The following SACM1L variants were observed in gnomAD, a reference collection of about 807,000 sequenced individuals.
The protein encoded by SACM1L is phosphatidylinositol-3-phosphatase SAC1.
SACM1L carries 32 observed loss-of-function variants against 89.5 expected under a neutral mutation model. The observed-to-expected ratio is 0.36, with a 90% CI of 0.27 to 0.48. SACM1L has a LOEUF of 0.48. Ranked by LOEUF, SACM1L falls within the 20% of genes least tolerant of loss-of-function variation. SACM1L has a pLI of 0.99. For synonymous variants in SACM1L, 213 were observed against 232.8 expected (o/e 0.92, Z 0.77); for missense variants, 543 against 708.5 (o/e 0.77, Z 2.65).
intron 11 of SACM1L, among the ~76,000 whole-genome samples, chr3:45,727,823 C>T (rs942598965): frequency 3.3e-5 from 5 of 152,136 alleles, no homozygotes; most frequent in African/African-American, 1.2e-4. Context: ...TCTCAATCTC[C>T]TGACCTCGTG....
chr3:45,722,708 T>G (rs1698815109), intron 9 of SACM1L, among the ~76,000 whole-genome samples, 161 bp from the exon 10 acceptor site: 1 of 152,206 alleles, frequency 6.6e-6, no homozygotes, highest in African/African-American at 2.4e-5. Flanking sequence ...CCATAAAATA[T>G]GAACTTTAGG....
At chr3:45,718,804 A>T (rs1285147759) in intron 7 of SACM1L, among the ~76,000 whole-genome samples, 2 of 152,156 alleles carry the variant, frequency 1.3e-5, no homozygotes, top group African/African-American at 4.8e-5. Flanking sequence ...CAGCCTTTAG[A>T]ATTTCTAGGT....
chr3:45,726,734 G>T (rs1463061932), intron 11 of SACM1L, among the ~76,000 whole-genome samples: 1 of 151,746 alleles, frequency 6.6e-6, no homozygotes, highest in East Asian at 1.9e-4. Context: ...ATTTCCTCCG[G>T]TAGCTTTGGG....
intron 11 of SACM1L, among the ~76,000 whole-genome samples, chr3:45,729,707 T>C (rs1699003157): frequency 6.6e-6 from 1 of 152,204 alleles, no homozygotes; most frequent in Admixed American, 6.5e-5. Context: ...GAGTCTCCTC[T>C]CTCTTGCTGC....
chr3:45,741,037 C>A (rs1699302509), intron 19 of SACM1L, among the ~76,000 whole-genome samples: 1 of 152,136 alleles, frequency 6.6e-6, no homozygotes. Context: ...TCTTTATTCT[C>A]CTTTGAGTAA....
At chr3:45,729,821 C>G (rs1699005311) in intron 11 of SACM1L, among the ~76,000 whole-genome samples, 2 of 151,854 alleles carry the variant, frequency 1.3e-5, no homozygotes, top group South Asian at 2.1e-4. Context: ...TATGTTTCAT[C>G]ACATTTGGGA....
chr3:45,699,559 A>T (rs1478848043), intron 1 of SACM1L, among the ~76,000 whole-genome samples: 1 of 152,066 alleles, frequency 6.6e-6, no homozygotes, highest in Non-Finnish European at 1.5e-5. Context: ...ACTGAGTCTC[A>T]CTCTGTCGCC....
intron 18 of SACM1L, among the ~76,000 whole-genome samples, chr3:45,739,086 G>A (rs1445349321): frequency 1.3e-5 from 2 of 152,136 alleles, no homozygotes; most frequent in East Asian, 3.9e-4. Context: ...TCCTTTTCAT[G>A]TGAAGTAACA....
At position 45,689,484 on chromosome 3, in the gene SACM1L, G is replaced by C; in HGVS notation, c.19G>C (p.Glu7Gln). 3 of 1,579,760 alleles carry C rather than the reference G, an allele frequency of 1.9e-6. No individual in the cohort carries two copies. Among genetic ancestry groups the C allele is most frequent in the Non-Finnish European group, 2.6e-6 (3 of 1,163,946 alleles). MATAAY[E>Q]QLKLHITPEK... is the part of the protein sequence containing the mutation. The stretch of plus-strand genomic sequence containing the variant: ...GTGCAGGATGGCGACGGCGGCCTAC[G>C]AGCAGCTGAAGCTGTGAGTCCCACG... Residue 7 changes from glutamate (E) to glutamine (Q), a missense_variant, in exon 1 of 20, where the codon GAG becomes CAG. Physicochemically the swap from Glu to Gln is conservative, Grantham distance 29. This residue lies in a region of SACM1L where 173 missense variants were observed against 180.9 expected (regional missense o/e 0.96). Coordinates refer to ENST00000389061, the MANE Select transcript of SACM1L (RefSeq NM_014016.5).
chr3:45,711,598 C>G (rs1418525568), intron 5 of SACM1L, among the ~76,000 whole-genome samples: 1 of 151,116 alleles, frequency 6.6e-6, no homozygotes, highest in East Asian at 1.9e-4. Flanking sequence ...CCAGCCAAGG[C>G]AACAGCAAGA....
chr3:45,713,240 G>A, intron 6 of SACM1L, 44 bp downstream of exon 6: 4 of 1,472,594 alleles, frequency 2.7e-6, no homozygotes, highest in Non-Finnish European at 2.8e-6. Flanking sequence ...TACAGTCCAA[G>A]CTTTAATTCA....
intron 14 of SACM1L, 35 bp downstream of exon 14, chr3:45,735,408 A>G (rs1468543): frequency 0.49 from 724,631 of 1,486,826 alleles, 184,574 homozygotes; most frequent in Non-Finnish European, 0.52. Context: ...ATTGAAAAAC[A>G]ACACAGCAAA....
chr3:45,706,688 A>G, intron 3 of SACM1L, 92 bp from the exon 4 acceptor site: 1 of 1,091,070 alleles, frequency 9.2e-7, no homozygotes. Flanking sequence ...GTCTCATTCT[A>G]CTAGCCTTTA....
At chr3:45,737,916 G>A in intron 16 of SACM1L, 72 bp downstream of exon 16, 3 of 1,236,140 alleles carry the variant, frequency 2.4e-6, no homozygotes, top group Non-Finnish European at 3.5e-6. Flanking sequence ...AATCACCTGG[G>A]CAGCTTTCAG....
At position 45,743,738 on chromosome 3, in the gene SACM1L, C is replaced by G; in HGVS notation, c.*69C>G. ...TGCAGAACTGGAGTCTTTACTGACC[C>G]GCTTTCCACATCAGCCCAAGGTCTT... is the stretch of plus-strand genomic sequence containing the variant. On this transcript the variant is annotated 3_prime_UTR_variant, in exon 20 of 20. Coordinates refer to ENST00000389061, the MANE Select transcript of SACM1L (RefSeq NM_014016.5). The G allele has an allele frequency of 4.0e-6, 6 of 1,514,930 alleles. No homozygotes were observed. The highest frequency in any genetic ancestry group is 5.3e-6 in the Non-Finnish European group (6 of 1,127,464). The allele number at this position is 1,514,930 out of a possible 1,614,324, so 93.8% of individuals were successfully genotyped here. A position where few individuals can be genotyped will look rare whatever the true frequency, so the allele number is the denominator to read the frequency against.
At chr3:45,690,614 T>C (rs1697956155) in intron 1 of SACM1L, among the ~76,000 whole-genome samples, 1 of 152,200 alleles carries the variant, frequency 6.6e-6, no homozygotes, top group African/African-American at 2.4e-5. Flanking sequence ...TTCCACATTG[T>C]ATGTGTTGCA....
intron 12 of SACM1L, among the ~76,000 whole-genome samples, chr3:45,731,804 A>G (rs1194612627): frequency 6.6e-6 from 1 of 152,088 alleles, no homozygotes; most frequent in East Asian, 1.9e-4. Context: ...ATATATGCAT[A>G]TATTTTCATG....
intron 9 of SACM1L, among the ~76,000 whole-genome samples, chr3:45,722,484 C>T (rs113533740): frequency 2.0e-5 from 3 of 152,224 alleles, no homozygotes; most frequent in South Asian, 4.1e-4. Flanking sequence ...TGCTCCAGAG[C>T]GTTAGTGGCC....
chr3:45,739,514 T>C, intron 18 of SACM1L, 73 bp from the exon 19 acceptor site: 4 of 1,290,440 alleles, frequency 3.1e-6, no homozygotes, highest in South Asian at 1.2e-5. Context: ...TCCCAAGCAA[T>C]GCATGCACAA....
Sources: gnomAD v4.1 joint callset for allele counts (sites outside exome capture counted in the v4.1 genomes callset) on GRCh38, gnomAD v4.1.1 for gene constraint, gnomAD v4.1.1 regional missense constraint, MANE v1.5 for transcripts, NCBI Gene and HGNC (gene_info 2026-07-23, HGNC 2026-07-21) for gene names.